The following MED13L variants were observed in gnomAD, a reference collection of about 807,000 sequenced individuals.
MED13L encodes the protein mediator complex subunit 13L.
Under a neutral mutation model 220.9 loss-of-function variants are expected in MED13L, and 7 were observed. The ratio of observed to expected loss-of-function variants is 0.03; its 90% CI spans 0.02 to 0.06. MED13L has a LOEUF of 0.06. Among genes scored for constraint, MED13L ranks in the 10% least tolerant of loss-of-function variants. The probability of loss-of-function intolerance (pLI) is 1.00; values close to 1 mark genes in which losing one functional copy is unlikely to be tolerated. For synonymous variants in MED13L, 1,011 were observed against 1,015.2 expected, an observed-to-expected ratio of 1.00 and a Z score of 0.08; for missense variants, 1,965 against 2,760.5, an observed-to-expected ratio of 0.71 and a Z score of 6.46.
rs566488363 is a variant in MED13L, at chr12:116,267,676, G to A, written c.72+9384C>T. On this transcript the variant is annotated intron_variant, in intron 1 of 30. Transcript: ENST00000281928. ...CTACCAGGTTATTTCCCATTTTACT[G>A]GGCTCATAGAAAACAATCTTTTGAA... is the stretch of plus-strand genomic sequence containing the variant. Among the ~76,000 whole-genome samples the A allele has an allele frequency of 9.9e-5, 15 of 152,188 alleles. No individual in the cohort carries two copies. In the East Asian group the frequency reaches 2.7e-3, roughly 27 times the overall value.
chr12:116,002,655 C>G (rs1213930035), intron 14 of MED13L, among the ~76,000 whole-genome samples: 1 of 152,154 alleles, frequency 6.6e-6, no homozygotes. Context: ...TTTACACAGT[C>G]TTATAATAGA....
intron 4 of MED13L, among the ~76,000 whole-genome samples, chr12:116,027,527 CTTG>C (rs1167432156): frequency 6.6e-6 from 1 of 152,158 alleles, no homozygotes; most frequent in African/African-American, 2.4e-5. Context: ...TTCTTTTATA[CTTG>C]TTGAAATGTG....
intron 4 of MED13L, among the ~76,000 whole-genome samples, chr12:116,033,072 G>A (rs1451810034): frequency 3.3e-5 from 5 of 149,486 alleles, no homozygotes; most frequent in Non-Finnish European, 7.5e-5. Context: ...GTATGAGTTT[G>A]ATTGGGTTTT....
At chr12:115,963,594 C>A in intron 29 of MED13L, 75 bp from the exon 30 acceptor site, 1 of 1,130,300 alleles carries the variant, frequency 8.8e-7, no homozygotes, top group Non-Finnish European at 1.3e-6. Flanking sequence ...GCCATGTCTG[C>A]CAGAAGCAGA....
In MED13L at chr12:116,154,519, T is replaced by C. The variant is rs553422652; in HGVS notation, c.311-43007A>G. 1.1e-4 allele frequency among the ~76,000 whole-genome samples: 16 copies of C among 152,316 alleles called. No individual in the cohort carries two copies. The South Asian group carries it at 3.1e-3, about 30-fold the overall frequency. On this transcript the variant is annotated intron_variant, in intron 2 of 30. Coordinates refer to ENST00000281928, the MANE Select transcript of MED13L (RefSeq NM_015335.5). ...CCATGCAAACGATTTGTTTTTCCCATGTTGTGAGATCAAACTCACCTTCTC... is the reference window on the plus strand; with the variant it reads ...CCATGCAAACGATTTGTTTTTCCCACGTTGTGAGATCAAACTCACCTTCTC...
At chr12:115,964,421 G>A (rs1875996488) in intron 29 of MED13L, among the ~76,000 whole-genome samples, 1 of 152,168 alleles carries the variant, frequency 6.6e-6, no homozygotes, top group South Asian at 2.1e-4. Flanking sequence ...CTGGGTTCAG[G>A]TGATACCAGG....
chr12:116,217,178 A>G (rs570732589), intron 2 of MED13L, among the ~76,000 whole-genome samples: 13 of 152,172 alleles, frequency 8.5e-5, no homozygotes, highest in Non-Finnish European at 1.9e-4. Context: ...AGCATGACAC[A>G]TGAGCATGAC....
intron 14 of MED13L, among the ~76,000 whole-genome samples, chr12:115,998,506 C>T (rs1467129246): frequency 6.6e-6 from 1 of 152,188 alleles, no homozygotes; most frequent in African/African-American, 2.4e-5. Context: ...CAGGTCACTT[C>T]CCCCCTTGGG....
chr12:116,268,148 C>T (rs182076125), intron 1 of MED13L, among the ~76,000 whole-genome samples: 1 of 152,262 alleles, frequency 6.6e-6, no homozygotes, highest in Admixed American at 6.5e-5. Context: ...CACTCTCCTG[C>T]AGAAGCTCAT....
chr12:116,249,727 A>G (rs4767393), intron 1 of MED13L, among the ~76,000 whole-genome samples: 2 of 117,912 alleles, frequency 1.7e-5, no homozygotes, highest in African/African-American at 6.6e-5. Context: ...CAGATTAAGT[A>G]CCTACCCAAA....
intron 1 of MED13L, among the ~76,000 whole-genome samples, chr12:116,251,748 A>G (rs1871587579): frequency 6.6e-6 from 1 of 151,220 alleles, no homozygotes; most frequent in Non-Finnish European, 1.5e-5. Context: ...GAGACAGAGC[A>G]AGACTCTGTC....
chr12:115,999,603 G>A (rs972524653), intron 14 of MED13L, among the ~76,000 whole-genome samples: 2 of 151,682 alleles, frequency 1.3e-5, no homozygotes, highest in African/African-American at 2.4e-5. Flanking sequence ...TACAGAAATT[G>A]TATAAATTCT....
At chr12:116,247,103 T>C (rs1871166476) in intron 1 of MED13L, among the ~76,000 whole-genome samples, 1 of 152,050 alleles carries the variant, frequency 6.6e-6, no homozygotes, top group African/African-American at 2.4e-5. Context: ...AGAACCAAGA[T>C]AATCAACAAA....
chr12:116,128,706 T>A (rs1875810659), intron 2 of MED13L, among the ~76,000 whole-genome samples: 1 of 152,228 alleles, frequency 6.6e-6, no homozygotes, highest in Non-Finnish European at 1.5e-5. Context: ...ATTTACAATG[T>A]CCTATCAGTC....
At chr12:116,178,118 G>A (rs1402750423) in intron 2 of MED13L, among the ~76,000 whole-genome samples, 4 of 151,552 alleles carry the variant, frequency 2.6e-5, no homozygotes, top group African/African-American at 9.7e-5. Context: ...GGCTCAATTT[G>A]ACTGTCTCAG....
At chr12:116,055,537 C>A (rs1238108003) in intron 4 of MED13L, among the ~76,000 whole-genome samples, 1 of 152,198 alleles carries the variant, frequency 6.6e-6, no homozygotes, top group Non-Finnish European at 1.5e-5. Flanking sequence ...AATGGTTTCA[C>A]AACCGGCCTT....
intron 2 of MED13L, among the ~76,000 whole-genome samples, chr12:116,126,283 T>C (rs990369446): frequency 2.0e-5 from 3 of 152,232 alleles, no homozygotes; most frequent in African/African-American, 4.8e-5. Context: ...GTGGTGTGAA[T>C]GAGTTCAATC....
chr12:116,160,771 T>G (rs1405459093), intron 2 of MED13L, among the ~76,000 whole-genome samples: 1 of 150,620 alleles, frequency 6.6e-6, no homozygotes, highest in African/African-American at 2.4e-5. Context: ...TTTTTTTTTT[T>G]GTAGAGACAG....
intron 2 of MED13L, among the ~76,000 whole-genome samples, chr12:116,137,581 G>A (rs1223607994): frequency 6.6e-6 from 1 of 151,950 alleles, no homozygotes; most frequent in Non-Finnish European, 1.5e-5. Context: ...TCATAATTTT[G>A]AAGTACTCAT....
Sources: gnomAD v4.1 joint callset for allele counts (sites outside exome capture counted in the v4.1 genomes callset) on GRCh38, gnomAD v4.1.1 for gene constraint, MANE v1.5 for transcripts, NCBI Gene and HGNC (gene_info 2026-07-23, HGNC 2026-07-21) for gene names.